The following PDCD6 variants were observed in gnomAD, a reference collection of about 807,000 sequenced individuals.
PDCD6 encodes the protein programmed cell death 6.
In PDCD6, 12 loss-of-function variants were observed where a neutral mutation model predicts 28.3. The observed-to-expected ratio is 0.42, with a 90% CI of 0.27 to 0.69. PDCD6 has a LOEUF of 0.69. PDCD6 is among the 30% of genes least tolerant of loss of function. The pLI is 0.22. For missense variants in PDCD6, 226 were observed against 269.9 expected (o/e 0.84, Z 1.14); for synonymous variants, 92 against 108.0 (o/e 0.85, Z 0.92).
chr5:302,107 T>C (rs2671907), intron 2 of PDCD6, among the ~76,000 whole-genome samples: 8,869 of 111,400 alleles, frequency 0.08, 1,424 homozygotes, highest in African/African-American at 0.31. Context: ...TGTGTGTGTG[T>C]GCCTTGGGTT....
At chr5:306,453 A>G (rs1020076626) in intron 3 of PDCD6, 149 bp from the exon 4 acceptor site, 16 of 688,104 alleles carry the variant, frequency 2.3e-5, no homozygotes, top group Admixed American at 1.5e-4. Context: ...ATTTCACCCC[A>G]TTCACAGACA....
In PDCD6 at chr5:305,428, G is replaced by A. The variant is rs568275442; in HGVS notation, c.209-1174G>A. ...TTTTCCAGATGACTGTGCCCTGCTGGTCGTGCATATGTTGCTACGTCACAC... is the reference window on the plus strand; with the variant it reads ...TTTTCCAGATGACTGTGCCCTGCTGATCGTGCATATGTTGCTACGTCACAC... On this transcript the variant is annotated intron_variant, in intron 3 of 5. Coordinates refer to ENST00000264933, the MANE Select transcript of PDCD6 (RefSeq NM_013232.4). The surrounding 1 kb of genome is among the most constrained non-coding windows in gnomAD (Gnocchi z 4.0). 1 of 152,378 alleles carries A rather than the reference G, an allele frequency of 6.6e-6. No homozygotes were observed. The highest frequency in any genetic ancestry group is 1.9e-4 in the East Asian group (1 of 5,186). 9.4% of individuals were successfully genotyped at this position (152,378 alleles called of 1,614,324 possible). A position where few individuals can be genotyped will look rare whatever the true frequency, so the allele number is the denominator to read the frequency against.
At chr5:288,470 T>C (rs1739120138) in intron 2 of PDCD6, among the ~76,000 whole-genome samples, 2 of 151,362 alleles carry the variant, frequency 1.3e-5, no homozygotes, top group African/African-American at 4.8e-5. Context: ...GACAAAAACC[T>C]TCTTTCATAT....
At position 307,838 on chromosome 5, in the gene PDCD6, CTCTTT is replaced by C. The variant is rs1740624579; in HGVS notation, c.367+1084_367+1088del. ...ATGCACTTTGTGGCTGCCTTTCTTT[CTCTTT>C]TCTTTCTCACCTTACGAGCTTGTCC... is the stretch of plus-strand genomic sequence containing the variant. On this transcript the variant is annotated intron_variant, in intron 4 of 5. Transcript: ENST00000264933. The surrounding 1 kb of genome is among the most constrained non-coding windows in gnomAD (Gnocchi z 6.1). Among the ~76,000 whole-genome samples, 3 of 152,156 alleles carry C rather than the reference CTCTTT, an allele frequency of 2.0e-5. No homozygotes were observed. Among genetic ancestry groups the C allele is most frequent in the South Asian group, 4.1e-4 (2 of 4,826 alleles).
Position 297,298 on chromosome 5 carries a change from C to T in PDCD6, c.164-6879C>T, listed in dbSNP as rs1175145450. Reference sequence around the variant, plus strand: ...ACCACGGAATAAACATGGGGGAGAGCGTAAGCGCTGTCCTAGCAGAAACTT... The same window carrying T: ...ACCACGGAATAAACATGGGGGAGAGTGTAAGCGCTGTCCTAGCAGAAACTT... On this transcript the variant is annotated intron_variant, in intron 2 of 5. Coordinates refer to ENST00000264933, the MANE Select transcript of PDCD6 (RefSeq NM_013232.4). Among the ~76,000 whole-genome samples, 17 of 152,220 alleles carry T rather than the reference C, an allele frequency of 1.1e-4. 1 individual carries two copies. Among genetic ancestry groups the T allele is most frequent in the Admixed American group, 3.3e-4 (5 of 15,278 alleles).
At chr5:304,151 T>C (rs201857979) in intron 2 of PDCD6, 26 bp from the exon 3 acceptor site, 6 of 1,241,142 alleles carry the variant, frequency 4.8e-6, no homozygotes, top group Non-Finnish European at 6.9e-6. Flanking sequence ...CCTTTTACTT[T>C]AACTCCTGTT....
At chr5:296,782 G>A (rs1739641719) in intron 2 of PDCD6, among the ~76,000 whole-genome samples, 1 of 152,124 alleles carries the variant, frequency 6.6e-6, no homozygotes, top group Non-Finnish European at 1.5e-5. Flanking sequence ...GGGTGGGGGG[G>A]CCCGTCGAGG....
At chr5:275,466 G>A (rs1046657397) in intron 2 of PDCD6, among the ~76,000 whole-genome samples, 11 of 152,234 alleles carry the variant, frequency 7.2e-5, no homozygotes, top group East Asian at 1.9e-4. Context: ...TCTTATAAAC[G>A]TTTACCTGAT....
chr5:276,107 T>C, intron 2 of PDCD6: 1 of 1,003,152 alleles, frequency 1.0e-6, no homozygotes, highest in South Asian at 1.4e-5. Context: ...TGCACGCCTG[T>C]ATTCCCAGCT....
At chr5:287,861 C>T (rs72711339) in intron 2 of PDCD6, among the ~76,000 whole-genome samples, 14,583 of 152,126 alleles carry the variant, frequency 0.096, 984 homozygotes, top group Non-Finnish European at 0.13. Context: ...TTTGGAAAGA[C>T]GTGTAATATT....
intron 2 of PDCD6, among the ~76,000 whole-genome samples, chr5:292,110 T>G (rs1739349239): frequency 6.6e-6 from 1 of 152,338 alleles, no homozygotes; most frequent in Non-Finnish European, 1.5e-5. Context: ...CTGGTGGGTG[T>G]CACGTGATAT....
At chr5:289,392 C>T (rs1453775600) in intron 2 of PDCD6, 2 of 630,716 alleles carry the variant, frequency 3.2e-6, no homozygotes, top group African/African-American at 3.6e-5. Flanking sequence ...CTCCCTTTTA[C>T]AGATGGTCTC....
intron 2 of PDCD6, among the ~76,000 whole-genome samples, chr5:282,277 G>A (rs915772658): frequency 1.2e-4 from 17 of 139,920 alleles, no homozygotes; most frequent in South Asian, 2.5e-4. Context: ...AAAATCGGGG[G>A]GGGGGGAGCT....
intron 2 of PDCD6, among the ~76,000 whole-genome samples, chr5:292,826 C>G (rs147525625): frequency 6.6e-6 from 1 of 152,122 alleles, no homozygotes; most frequent in South Asian, 2.1e-4. Context: ...CATGGGATCT[C>G]CCTTATGCAT....
chr5:297,220 C>T (rs937367756), intron 2 of PDCD6, among the ~76,000 whole-genome samples: 1 of 152,242 alleles, frequency 6.6e-6, no homozygotes. Context: ...TGAACTTCTG[C>T]GTGTTGCAGA....
intron 2 of PDCD6, among the ~76,000 whole-genome samples, chr5:277,912 C>CAAAAAAAA (rs529926870): frequency 9.0e-6 from 1 of 111,056 alleles, no homozygotes; most frequent in African/African-American, 3.6e-5. Flanking sequence ...GACTCCATCT[C>CAAAAAAAA]AAAAAAAAAA....
At chr5:283,480 G>A (rs1738721728) in intron 2 of PDCD6, among the ~76,000 whole-genome samples, 2 of 151,696 alleles carry the variant, frequency 1.3e-5, no homozygotes, top group African/African-American at 4.8e-5. Context: ...GTTCTAGATT[G>A]AGGATCTTGT....
intron 5 of PDCD6, 70 bp from the exon 6 acceptor site, chr5:314,347 A>C: frequency 8.8e-7 from 1 of 1,139,810 alleles, no homozygotes; most frequent in South Asian, 1.3e-5. Flanking sequence ...GGGTCCCTAC[A>C]TGCCTTTGTC....
chr5:287,684 C>T (rs1350877266), intron 2 of PDCD6, among the ~76,000 whole-genome samples: 1 of 152,010 alleles, frequency 6.6e-6, no homozygotes, highest in Admixed American at 6.6e-5. Context: ...TTTTTTTCTT[C>T]ATGTTCAAAA....
Sources: allele counts gnomAD v4.1 joint callset (sites outside exome capture counted in the v4.1 genomes callset), GRCh38; gene constraint gnomAD v4.1.1; non-coding constraint Gnocchi (gnomAD v3.1); transcripts MANE v1.5; gene names NCBI Gene and HGNC (gene_info 2026-07-23, HGNC 2026-07-21).